The following CDH13 variants were observed in gnomAD, a reference collection of about 807,000 sequenced individuals.
The protein encoded by CDH13 is cadherin 13.
In CDH13, 24 loss-of-function variants were observed where a neutral mutation model predicts 63.8. The ratio of observed to expected loss-of-function variants is 0.38; its 90% CI spans 0.27 to 0.53. The LOEUF is 0.53. Ranked by LOEUF, CDH13 falls within the 20% of genes least tolerant of loss-of-function variation. CDH13 has a pLI of 0.85. For missense variants in CDH13, 1,049 were observed against 903.1 expected (o/e 1.16, Z -2.07); for synonymous variants, 503 against 355.3 (o/e 1.42, Z -4.67).
At chr16:83,534,512 G>A (rs534063919) in intron 7 of CDH13, among the ~76,000 whole-genome samples, 49 of 152,314 alleles carry the variant, frequency 3.2e-4, no homozygotes, top group Non-Finnish European at 1.5e-5. Context: ...TTCCTGGCTA[G>A]CACCTATGTG....
At chr16:83,031,365 CATGTATATGTATACACGTAT>C (rs72461322) in intron 2 of CDH13, among the ~76,000 whole-genome samples, 32,486 of 125,170 alleles carry the variant, frequency 0.26, 5,672 homozygotes, top group African/African-American at 0.34. Context: ...TATACATGTA[CATGTATATGTATACACGTAT>C]ATGTATATAC....
intron 3 of CDH13, among the ~76,000 whole-genome samples, chr16:83,080,395 G>T (rs4278739): frequency 6.6e-6 from 1 of 152,020 alleles, no homozygotes; most frequent in Non-Finnish European, 1.5e-5. Context: ...ATTTATTCAA[G>T]AATTAAATGA....
chr16:83,102,930 C>CTTTTTTTTTTTTTTTTTTTTTTTTTTTT (rs71148812), intron 3 of CDH13, among the ~76,000 whole-genome samples: 2 of 96,920 alleles, frequency 2.1e-5, no homozygotes, highest in African/African-American at 4.6e-5. Flanking sequence ...TTTTCTTTTT[C>CTTTTTTTTTTTTTTTTTTTTTTTTTTTT]TTTTTTTTTT....
intron 1 of CDH13, among the ~76,000 whole-genome samples, chr16:82,811,818 A>T (rs1327778403): frequency 6.6e-6 from 1 of 152,192 alleles, no homozygotes; most frequent in Non-Finnish European, 1.5e-5. Flanking sequence ...GGAGTGACTT[A>T]TAGGGTTATG....
intron 1 of CDH13, among the ~76,000 whole-genome samples, chr16:82,743,457 C>A (rs1477158203): frequency 6.6e-6 from 1 of 152,094 alleles, no homozygotes; most frequent in Non-Finnish European, 1.5e-5. Flanking sequence ...TCAAACGATC[C>A]ACTCACCCAC....
chr16:83,662,527 T>C (rs11149593), intron 8 of CDH13, among the ~76,000 whole-genome samples: 36,328 of 152,156 alleles, frequency 0.24, 4,629 homozygotes, highest in East Asian at 0.49. Flanking sequence ...CTCCAAACAG[T>C]GCAGAATCGG....
At chr16:83,013,779 T>C (rs1914398223) in intron 2 of CDH13, among the ~76,000 whole-genome samples, 1 of 152,130 alleles carries the variant, frequency 6.6e-6, no homozygotes, top group Admixed American at 6.6e-5. Context: ...GTGCGAGAGA[T>C]ACAAGGGTTG....
At chr16:82,938,392 A>T (rs576203217) in intron 2 of CDH13, among the ~76,000 whole-genome samples, 1 of 152,268 alleles carries the variant, frequency 6.6e-6, no homozygotes, top group African/African-American at 2.4e-5. Flanking sequence ...TTTCTTTTAG[A>T]TTAGCCCTCT....
intron 2 of CDH13, among the ~76,000 whole-genome samples, chr16:82,861,483 C>A (rs907166000): frequency 6.6e-6 from 1 of 152,180 alleles, no homozygotes; most frequent in African/African-American, 2.4e-5. Flanking sequence ...GTGTGTTCAG[C>A]TTTTAGCAGG....
chr16:82,707,679 C>A (rs554433540), intron 1 of CDH13, among the ~76,000 whole-genome samples: 1 of 152,124 alleles, frequency 6.6e-6, no homozygotes, highest in African/African-American at 2.4e-5. Context: ...TGGTAACACC[C>A]GTTGCCCTCT....
At chr16:82,827,300 T>A (rs2038301287) in intron 1 of CDH13, among the ~76,000 whole-genome samples, 1 of 152,180 alleles carries the variant, frequency 6.6e-6, no homozygotes, top group Admixed American at 6.5e-5. Flanking sequence ...TGCATAATAA[T>A]GTATTGTTTG....
intron 11 of CDH13, among the ~76,000 whole-genome samples, chr16:83,757,149 T>C (rs1464655053): frequency 6.6e-6 from 1 of 152,084 alleles, no homozygotes; most frequent in African/African-American, 2.4e-5. Flanking sequence ...TGACTGAACA[T>C]AAAACAGTAC....
intron 1 of CDH13, among the ~76,000 whole-genome samples, chr16:82,852,920 G>C (rs953504402): frequency 6.6e-6 from 1 of 152,152 alleles, no homozygotes; most frequent in African/African-American, 2.4e-5. Context: ...CCTTTCTCTG[G>C]AAGCAAACTC....
intron 1 of CDH13, among the ~76,000 whole-genome samples, chr16:82,710,211 A>T (rs2031804124): frequency 7.7e-6 from 1 of 129,926 alleles, no homozygotes; most frequent in African/African-American, 2.7e-5. Context: ...TATTACATTA[A>T]TTTATATTTA....
intron 5 of CDH13, among the ~76,000 whole-genome samples, chr16:83,334,919 A>G (rs989479246): frequency 1.3e-5 from 2 of 152,216 alleles, no homozygotes; most frequent in African/African-American, 2.4e-5. Flanking sequence ...AAGCCTGTAC[A>G]TATATTGATA....
In CDH13 at chr16:82,926,591, A is replaced by G. The variant is rs568502267; in HGVS notation, c.157+68118A>G. Among the ~76,000 whole-genome samples, 3 of 152,320 alleles carry G rather than the reference A, an allele frequency of 2.0e-5. No individual in the cohort carries two copies. The East Asian group carries it at 5.8e-4, about 29-fold the overall frequency. ...TTGACTTTCTCTAGAAGTCTTCACT[A>G]GATTCCTAGAAGAGGGAGGCACAGA... On this transcript the variant is annotated intron_variant, in intron 2 of 13. Transcript: ENST00000567109.
intron 3 of CDH13, among the ~76,000 whole-genome samples, chr16:83,053,133 C>T (rs551907827): frequency 3.3e-5 from 5 of 152,112 alleles, no homozygotes; most frequent in South Asian, 4.2e-4. Context: ...TAGAAAGATG[C>T]CTGGAACATA....
chr16:82,804,620 C>T (rs982241296), intron 1 of CDH13, among the ~76,000 whole-genome samples: 4 of 152,148 alleles, frequency 2.6e-5, no homozygotes, highest in Non-Finnish European at 5.9e-5. Flanking sequence ...TGCCTTATCA[C>T]ATCAGTTTGT....
intron 6 of CDH13, among the ~76,000 whole-genome samples, chr16:83,455,004 C>G (rs932444810): frequency 2.0e-5 from 3 of 152,160 alleles, no homozygotes; most frequent in African/African-American, 7.2e-5. Flanking sequence ...GTCACCATGC[C>G]CAGCTCTCTA....
Sources: gnomAD v4.1 joint callset for allele counts (sites outside exome capture counted in the v4.1 genomes callset) on GRCh38, gnomAD v4.1.1 for gene constraint, MANE v1.5 for transcripts, NCBI Gene and HGNC (gene_info 2026-07-23, HGNC 2026-07-21) for gene names.